The following EFHC2 variants were observed in gnomAD, a reference collection of about 807,000 sequenced individuals.
The protein encoded by EFHC2 is EF-hand domain containing 2.
A neutral mutation model predicts 52.7 loss-of-function variants in EFHC2; 18 were observed. The ratio of observed to expected loss-of-function variants is 0.34; its 90% CI spans 0.24 to 0.51. The LOEUF (loss-of-function observed/expected upper bound fraction) is 0.51. EFHC2 is among the 20% of genes least tolerant of loss of function. The probability of loss-of-function intolerance (pLI) is 0.97; values close to 1 mark genes in which losing one functional copy is unlikely to be tolerated. For synonymous variants in EFHC2, 203 were observed against 204.1 expected (o/e 0.99, Z 0.04); for missense variants, 513 against 562.5 (o/e 0.91, Z 0.89).
At position 44,176,333 on chromosome X, in the gene EFHC2, T is replaced by C. The variant is rs1243993696; in HGVS notation, c.2001A>G (p.Arg667=). The change falls in exon 13 of 15, where the codon AGA becomes AGG. Residue 667 remains arginine (R), a synonymous_variant. Transcript: ENST00000420999. ...KDIKRLCKSS[R]LPLSDDLLES... ...CTAGAAGATCATCACTCAAAGGTAATCTGGAGGATTTGCACAGCCTTTTAA... is the reference window on the plus strand; with the variant it reads ...CTAGAAGATCATCACTCAAAGGTAACCTGGAGGATTTGCACAGCCTTTTAA... 2.5e-6 allele frequency: 3 copies of C among 1,199,268 alleles called. No homozygotes were observed. In the African/African-American group the frequency reaches 5.3e-5, roughly 21 times the overall value.
intron 11 of EFHC2, among the ~76,000 whole-genome samples, chrX:44,185,916 G>T (rs768104053): frequency 1.0e-3 from 114 of 111,391 alleles, no homozygotes; most frequent in African/African-American, 3.6e-3. Flanking sequence ...ATTGATTTTT[G>T]GATATATTTT....
intron 14 of EFHC2, among the ~76,000 whole-genome samples, chrX:44,163,526 A>C (rs946997582): frequency 4.5e-5 from 5 of 111,977 alleles, no homozygotes; most frequent in Non-Finnish European, 7.5e-5. Flanking sequence ...ACCTGTGTGC[A>C]CAGCCGCGGA....
chrX:44,168,749 C>T (rs1373189805), intron 13 of EFHC2, among the ~76,000 whole-genome samples: 1 of 109,961 alleles, frequency 9.1e-6, no homozygotes, highest in East Asian at 2.9e-4. Flanking sequence ...AGTGGCCATG[C>T]GTAAACTCTC....
chrX:44,311,808 A>C (rs776392896), intron 2 of EFHC2, among the ~76,000 whole-genome samples: 29 of 111,705 alleles, frequency 2.6e-4, no homozygotes, highest in African/African-American at 8.8e-4. Flanking sequence ...TTTATTACTA[A>C]TTAGTATGGA....
intron 2 of EFHC2, among the ~76,000 whole-genome samples, chrX:44,301,265 C>T (rs2037867020): frequency 9.1e-6 from 1 of 109,426 alleles, no homozygotes; most frequent in Admixed American, 9.8e-5. Context: ...AAGAGGACAG[C>T]TTCAACTCCC....
At chrX:44,336,252 T>C (rs887305872) in intron 1 of EFHC2, among the ~76,000 whole-genome samples, 17 of 109,501 alleles carry the variant, frequency 1.6e-4, no homozygotes, top group Non-Finnish European at 3.8e-5. Flanking sequence ...CCGGGCGTGG[T>C]GGCACACACC....
chrX:44,203,872 G>T (rs1332866652), intron 11 of EFHC2, among the ~76,000 whole-genome samples: 1 of 110,756 alleles, frequency 9.0e-6, no homozygotes, highest in Non-Finnish European at 1.9e-5. Flanking sequence ...TTACAGGTGT[G>T]AGCCACCAAG....
At chrX:44,195,403 ATG>A (rs750049145) in intron 11 of EFHC2, among the ~76,000 whole-genome samples, 1 of 109,048 alleles carries the variant, frequency 9.2e-6, no homozygotes. Context: ...AGCTAAATAA[ATG>A]TGTGTGTGTG....
chrX:44,277,713 TAATA>T (rs1188052344), intron 2 of EFHC2, among the ~76,000 whole-genome samples: 1 of 111,338 alleles, frequency 9.0e-6, no homozygotes, highest in Non-Finnish European at 1.9e-5. Context: ...ACAAAAATTT[TAATA>T]AATTTTAAAA....
intron 1 of EFHC2, among the ~76,000 whole-genome samples, chrX:44,325,112 T>G (rs2038044310): frequency 9.0e-6 from 1 of 111,665 alleles, no homozygotes; most frequent in African/African-American, 3.3e-5. Flanking sequence ...AGTATTAGCT[T>G]GAAATTTCAA....
chrX:44,183,084 T>G (rs938920983), intron 11 of EFHC2, among the ~76,000 whole-genome samples: 1 of 111,566 alleles, frequency 9.0e-6, no homozygotes, highest in African/African-American at 3.3e-5. Flanking sequence ...ATTTTCTTAC[T>G]TGTTGAATCA....
intron 11 of EFHC2, among the ~76,000 whole-genome samples, chrX:44,195,410 T>C (rs1413954151): frequency 9.2e-6 from 1 of 108,263 alleles, no homozygotes; most frequent in Non-Finnish European, 1.9e-5. Context: ...TAAATGTGTG[T>C]GTGTGTGGTT....
At chrX:44,171,495 T>C (rs1313354397) in intron 13 of EFHC2, among the ~76,000 whole-genome samples, 2 of 111,539 alleles carry the variant, frequency 1.8e-5, no homozygotes, top group Non-Finnish European at 3.8e-5. Context: ...TTCAGTCCAT[T>C]ACCCAACGAA....
At chrX:44,182,437 A>G (rs1426331780) in intron 11 of EFHC2, among the ~76,000 whole-genome samples, 6 of 112,225 alleles carry the variant, frequency 5.3e-5, no homozygotes, top group Admixed American at 2.8e-4. Flanking sequence ...CCTGTTTTCA[A>G]TTCTTTGGGG....
At chrX:44,302,174 T>C (rs991959178) in intron 2 of EFHC2, among the ~76,000 whole-genome samples, 7 of 111,637 alleles carry the variant, frequency 6.3e-5, no homozygotes, top group African/African-American at 2.3e-4. Context: ...TCACCGACAC[T>C]TAGTGGTAAG....
intron 2 of EFHC2, among the ~76,000 whole-genome samples, chrX:44,283,530 A>G (rs1602196929): frequency 2.4e-5 from 2 of 84,475 alleles, no homozygotes; most frequent in Admixed American, 1.5e-4. Flanking sequence ...CCACGGAAGT[A>G]CCTTTTTTTT....
chrX:44,182,790 C>T (rs1018063306), intron 11 of EFHC2, among the ~76,000 whole-genome samples: 1 of 111,953 alleles, frequency 8.9e-6, no homozygotes, highest in African/African-American at 3.2e-5. Context: ...CTTTAGCCAA[C>T]ATTGCACTAC....
At chrX:44,189,618 A>G (rs1370167019) in intron 11 of EFHC2, among the ~76,000 whole-genome samples, 1 of 111,508 alleles carries the variant, frequency 9.0e-6, no homozygotes, top group Non-Finnish European at 1.9e-5. Context: ...TCAGGAAGCA[A>G]TGCAGAGGTA....
At chrX:44,183,034 G>A (rs1399377511) in intron 11 of EFHC2, among the ~76,000 whole-genome samples, 1 of 111,323 alleles carries the variant, frequency 9.0e-6, no homozygotes, top group African/African-American at 3.3e-5. Context: ...CAGTAAAATG[G>A]TGAATCAAAA....
Sources: allele counts gnomAD v4.1 joint callset (sites outside exome capture counted in the v4.1 genomes callset), GRCh38; gene constraint gnomAD v4.1.1; transcripts MANE v1.5; gene names NCBI Gene and HGNC (gene_info 2026-07-23, HGNC 2026-07-21).